GMDS: variants seen among roughly 807,000 people sequenced by gnomAD.
GMDS encodes GDP-mannose 4,6 dehydratase.
Under a neutral mutation model 49.9 loss-of-function variants are expected in GMDS, and 20 were observed. That is an observed-to-expected ratio of 0.40 (90% CI 0.28 to 0.58). GMDS has a LOEUF of 0.58. Ranked by LOEUF, GMDS falls within the 20% of genes least tolerant of loss-of-function variation. The pLI, the probability that GMDS is intolerant of heterozygous loss-of-function variation, is 0.42. For missense variants in GMDS, 362 were observed against 481.4 expected, an observed-to-expected ratio of 0.75 and a Z score of 2.32; for synonymous variants, 177 against 178.6, an observed-to-expected ratio of 0.99 and a Z score of 0.07.
intron 4 of GMDS, among the ~76,000 whole-genome samples, chr6:2,048,642 A>C (rs1428658272): frequency 6.6e-6 from 1 of 152,200 alleles, no homozygotes; most frequent in African/African-American, 2.4e-5. Context: ...AGTGATATTG[A>C]GTCTTCCCAC....
Position 1,733,774 on chromosome 6 carries a change from C to T in GMDS, c.891-7262G>A, listed in dbSNP as rs906467973. ...GGCAGAGGTGGGAGGATTGCTTGAA[C>T]CTGGGGGGCAGAGGTTGCGGTGAGC... On this transcript the variant is annotated intron_variant, in intron 8 of 10. Transcript: ENST00000380815. Among the ~76,000 whole-genome samples, 5 of 151,924 alleles carry T rather than the reference C, an allele frequency of 3.3e-5. No individual in the cohort carries two copies. In the South Asian group the frequency reaches 1.0e-3, roughly 32 times the overall value.
intron 6 of GMDS, among the ~76,000 whole-genome samples, chr6:1,955,406 A>G (rs1165735924): frequency 6.6e-6 from 1 of 152,254 alleles, no homozygotes; most frequent in Non-Finnish European, 1.5e-5. Flanking sequence ...TATATAATAC[A>G]TAGTAATAGT....
At chr6:1,941,553 G>A (rs1345520198) in intron 6 of GMDS, among the ~76,000 whole-genome samples, 1 of 152,182 alleles carries the variant, frequency 6.6e-6, no homozygotes, top group African/African-American at 2.4e-5. Context: ...TCCAAGGAAG[G>A]AGAGGGCTCA....
chr6:1,680,173 T>C (rs1321868934), intron 9 of GMDS, among the ~76,000 whole-genome samples: 4 of 152,202 alleles, frequency 2.6e-5, no homozygotes, highest in African/African-American at 7.2e-5. Context: ...CCTAAGAAAA[T>C]AGGCATCCAG....
In GMDS at chr6:1,653,612, C is replaced by T. The variant is rs114295080; in HGVS notation, c.988-29072G>A. On this transcript the variant is annotated intron_variant, in intron 9 of 10. Coordinates refer to ENST00000380815, the MANE Select transcript of GMDS (RefSeq NM_001500.4). ...ACCAGCATAAAGACAGACGCGGATA[C>T]GAAGGATGGAACAGAAAACCCAGAT... 7.3e-3 allele frequency among the ~76,000 whole-genome samples: 1,108 copies of T among 152,194 alleles called. 15 individuals carry two copies. Among genetic ancestry groups the T allele is most frequent in the African/African-American group, 0.026 (1,073 of 41,528 alleles).
At chr6:1,990,823 A>T (rs1397436062) in intron 4 of GMDS, among the ~76,000 whole-genome samples, 1 of 150,756 alleles carries the variant, frequency 6.6e-6, no homozygotes, top group Non-Finnish European at 1.5e-5. Flanking sequence ...GGTTCAAGTG[A>T]TCCTTCCATC....
chr6:2,092,781 C>T (rs1470421054), intron 4 of GMDS, among the ~76,000 whole-genome samples: 1 of 152,144 alleles, frequency 6.6e-6, no homozygotes, highest in African/African-American at 2.4e-5. Flanking sequence ...CAGTACATTT[C>T]TTCCAACAGT....
At chr6:1,727,279 C>T (rs13210435) in intron 8 of GMDS, among the ~76,000 whole-genome samples, 4,313 of 152,288 alleles carry the variant, frequency 0.028, 87 homozygotes, top group Middle Eastern at 0.061. Context: ...GCAGGATGAG[C>T]TCATATGCTT....
intron 9 of GMDS, among the ~76,000 whole-genome samples, chr6:1,690,013 G>A (rs762021025): frequency 6.6e-6 from 1 of 152,108 alleles, no homozygotes; most frequent in Non-Finnish European, 1.5e-5. Context: ...GCTAAGGCAG[G>A]AGAATCTCTT....
intron 7 of GMDS, among the ~76,000 whole-genome samples, chr6:1,910,080 G>A (rs1760972400): frequency 6.6e-6 from 1 of 151,984 alleles, no homozygotes; most frequent in Non-Finnish European, 1.5e-5. Context: ...TTTTTTACAT[G>A]CTTAATATTT....
intron 4 of GMDS, among the ~76,000 whole-genome samples, chr6:2,013,840 A>AAATATTTAAAGTAAT (rs149181509): frequency 0.98 from 147,786 of 150,716 alleles, 72,527 homozygotes; most frequent in East Asian, 1. Context: ...AGAAAGGAAG[A>AAATATTTAAAGTAAT]AATGGCTGAG....
intron 1 of GMDS, among the ~76,000 whole-genome samples, chr6:2,210,498 G>T (rs916807667): frequency 6.6e-6 from 1 of 152,160 alleles, no homozygotes; most frequent in Non-Finnish European, 1.5e-5. Context: ...CTCGAGAATG[G>T]ACGGGCTAAG....
chr6:1,970,268 G>A (rs548847577), intron 4 of GMDS, among the ~76,000 whole-genome samples: 3 of 152,312 alleles, frequency 2.0e-5, no homozygotes, highest in African/African-American at 4.8e-5. Context: ...CAGCTGCACT[G>A]TTTACTGCTT....
At chr6:1,795,744 T>C (rs1769711694) in intron 7 of GMDS, among the ~76,000 whole-genome samples, 1 of 152,242 alleles carries the variant, frequency 6.6e-6, no homozygotes, top group South Asian at 2.1e-4. Context: ...AATGTTCTTA[T>C]TCTGAAAGCA....
chr6:2,217,708 T>C (rs2127587512), intron 1 of GMDS, among the ~76,000 whole-genome samples: 1 of 152,272 alleles, frequency 6.6e-6, no homozygotes, highest in East Asian at 1.9e-4. Flanking sequence ...TCAGCTGCTA[T>C]TAGTGGCTTT....
chr6:1,892,406 G>A (rs1358945768), intron 7 of GMDS, among the ~76,000 whole-genome samples: 1 of 151,964 alleles, frequency 6.6e-6, no homozygotes, highest in Non-Finnish European at 1.5e-5. Context: ...GTTGCCCAGG[G>A]TGGAGTGCAG....
At chr6:1,700,731 T>A (rs1249910886) in intron 9 of GMDS, among the ~76,000 whole-genome samples, 1 of 152,188 alleles carries the variant, frequency 6.6e-6, no homozygotes, top group Non-Finnish European at 1.5e-5. Flanking sequence ...GAAAGAAGAC[T>A]GCAGGTGCCA....
At chr6:1,628,935 A>T (rs1343492358) in intron 9 of GMDS, among the ~76,000 whole-genome samples, 1 of 152,194 alleles carries the variant, frequency 6.6e-6, no homozygotes, top group African/African-American at 2.4e-5. Context: ...ATGCCAGTGA[A>T]TTTGGTTCTT....
chr6:2,149,754 C>T (rs1396158721), intron 1 of GMDS, among the ~76,000 whole-genome samples: 3 of 152,190 alleles, frequency 2.0e-5, no homozygotes, highest in Admixed American at 6.5e-5. Context: ...CCCTTCTTTT[C>T]CTATTTGCTC....
Sources: allele counts gnomAD v4.1 joint callset (sites outside exome capture counted in the v4.1 genomes callset), GRCh38; gene constraint gnomAD v4.1.1; transcripts MANE v1.5; gene names NCBI Gene and HGNC (gene_info 2026-07-23, HGNC 2026-07-21).